Variants in PSMF1 observed in about 807,000 individuals in gnomAD.
PSMF1 encodes proteasome inhibitor subunit 1.
PSMF1 carries 30 observed loss-of-function variants against 29.3 expected under a neutral mutation model. The ratio of observed to expected loss-of-function variants is 1.02; its 90% CI spans 0.77 to 1.39. The LOEUF is 1.39. Ranked by LOEUF, PSMF1 falls within the 40% of genes most tolerant of loss-of-function variation. The pLI, the probability that PSMF1 is intolerant of heterozygous loss-of-function variation, is 0.00. For synonymous variants in PSMF1, 134 were observed against 139.7 expected (o/e 0.96, Z 0.29); for missense variants, 344 against 357.5 (o/e 0.96, Z 0.31).
At chr20:1,113,988 G>A (rs2085992378), upstream of PSMF1, among the ~76,000 whole-genome samples, 1 of 152,206 alleles carries the variant, frequency 6.6e-6, no homozygotes, top group South Asian at 2.1e-4. Context: ...ACCGCGCCCG[G>A]CCTGGGTTAC....
rs182205930 is a variant in PSMF1, at chr20:1,165,962, C to G, written c.*882C>G. ...TGAAATTGGAGGTGGCTTTCCTGCTCTAAAGCATTTTGATGTCTCATTCTG... is the reference window on the plus strand; with the variant it reads ...TGAAATTGGAGGTGGCTTTCCTGCTGTAAAGCATTTTGATGTCTCATTCTG... On this transcript the variant is annotated 3_prime_UTR_variant, in exon 7 of 7. Transcript: ENST00000335877. The G allele has an allele frequency of 4.3e-6, 6 of 1,381,748 alleles. No individual in the cohort carries two copies. The African/African-American group carries it at 4.4e-5, about 10-fold the overall frequency. 85.6% of individuals were successfully genotyped at this position (1,381,748 alleles called of 1,614,324 possible).
intron 1 of PSMF1, among the ~76,000 whole-genome samples, chr20:1,122,769 G>A (rs963197866): frequency 6.6e-6 from 1 of 152,184 alleles, no homozygotes; most frequent in Non-Finnish European, 1.5e-5. Flanking sequence ...GTTTACTGGG[G>A]AACATCAATT....
intron 4 of PSMF1, among the ~76,000 whole-genome samples, chr20:1,156,475 C>T (rs879695249): frequency 3.9e-5 from 6 of 152,002 alleles, no homozygotes; most frequent in Admixed American, 2.0e-4. Context: ...AATCAAACTG[C>T]TGAAAAGATT....
intron 3 of PSMF1, among the ~76,000 whole-genome samples, chr20:1,128,443 A>G (rs2086188198): frequency 6.6e-6 from 1 of 152,224 alleles, no homozygotes; most frequent in Non-Finnish European, 1.5e-5. Context: ...TGATCCTAGA[A>G]TACACACAAA....
chr20:1,166,138 G>A lies in PSMF1; in HGVS notation c.*1058G>A, dbSNP rs2086726906. 1 of 1,573,720 alleles carries A rather than the reference G, an allele frequency of 6.4e-7. No homozygotes were observed. Among genetic ancestry groups the A allele is most frequent in the Non-Finnish European group, 8.6e-7 (1 of 1,159,716 alleles). ...GCACAGGAGCATGGGCTGCCTCTGA[G>A]TGTGGTGTTGAACTTCGGGAGGAGC... On this transcript the variant is annotated 3_prime_UTR_variant, in exon 7 of 7. Coordinates refer to ENST00000335877, the MANE Select transcript of PSMF1 (RefSeq NM_006814.5).
chr20:1,134,728 TCCTCCCCATGGAG>T, intron 3 of PSMF1: 1 of 303,942 alleles, frequency 3.3e-6, no homozygotes, highest in Non-Finnish European at 6.4e-6. Flanking sequence ...ACCTGGTTCA[TCCTCCCCATGGAG>T]CCTTTGCCTT....
upstream of PSMF1, among the ~76,000 whole-genome samples, chr20:1,113,987 G>A (rs893501568): frequency 6.6e-6 from 1 of 152,154 alleles, no homozygotes; most frequent in African/African-American, 2.4e-5. Context: ...CACCGCGCCC[G>A]GCCTGGGTTA....
At chr20:1,127,310 C>T in intron 2 of PSMF1, 116 bp from the exon 3 acceptor site, 1 of 838,138 alleles carries the variant, frequency 1.2e-6, no homozygotes, top group South Asian at 1.3e-5. Context: ...TTATATATGT[C>T]TCTGTGGACA....
At chr20:1,125,726 C>A in intron 2 of PSMF1, 76 bp downstream of exon 2, 2 of 1,522,806 alleles carry the variant, frequency 1.3e-6, no homozygotes, top group Non-Finnish European at 1.8e-6. Context: ...TTTAACGGTA[C>A]GAATCCAGAG....
intron 4 of PSMF1, among the ~76,000 whole-genome samples, chr20:1,148,874 T>C (rs1291434505): frequency 1.3e-5 from 2 of 152,230 alleles, no homozygotes; most frequent in South Asian, 2.1e-4. Context: ...AGAGCTCTTA[T>C]ATGGGTTATA....
At chr20:1,141,335 A>T (rs2086377131) in intron 4 of PSMF1, among the ~76,000 whole-genome samples, 1 of 152,326 alleles carries the variant, frequency 6.6e-6, no homozygotes, top group Non-Finnish European at 1.5e-5. Flanking sequence ...AATGTATCTC[A>T]ATAAAGCTAT....
intron 4 of PSMF1, among the ~76,000 whole-genome samples, chr20:1,145,032 C>T (rs1356832334): frequency 6.6e-6 from 1 of 152,022 alleles, no homozygotes; most frequent in Non-Finnish European, 1.5e-5. Flanking sequence ...ATTACAGATG[C>T]CTGCCACCAC....
At chr20:1,158,619 A>G (rs1217044353) in intron 4 of PSMF1, among the ~76,000 whole-genome samples, 2 of 152,232 alleles carry the variant, frequency 1.3e-5, no homozygotes, top group Non-Finnish European at 1.5e-5. Flanking sequence ...ATGAGTGTTC[A>G]GGATCCCTTT....
At chr20:1,146,655 C>G (rs764070373) in intron 4 of PSMF1, among the ~76,000 whole-genome samples, 1 of 152,120 alleles carries the variant, frequency 6.6e-6, no homozygotes, top group Non-Finnish European at 1.5e-5. Flanking sequence ...TCTCCCCCCA[C>G]GTCAAGGAGA....
chr20:1,134,563 C>T (rs993741696), intron 3 of PSMF1, among the ~76,000 whole-genome samples: 6 of 152,172 alleles, frequency 3.9e-5, no homozygotes, highest in Non-Finnish European at 5.9e-5. Context: ...TGCCTCCACA[C>T]CTCAGCTGTG....
intron 4 of PSMF1, among the ~76,000 whole-genome samples, chr20:1,138,538 A>T (rs1009523136): frequency 7.0e-6 from 1 of 143,454 alleles, no homozygotes; most frequent in Non-Finnish European, 1.5e-5. Context: ...AAAAAAAAAT[A>T]CAACAAAGGA....
intron 3 of PSMF1, among the ~76,000 whole-genome samples, chr20:1,128,098 A>G: frequency 6.6e-6 from 1 of 152,208 alleles, no homozygotes; most frequent in Non-Finnish European, 1.5e-5. Context: ...TGTCTATCAT[A>G]GTATCACACA....
intron 1 of PSMF1, among the ~76,000 whole-genome samples, chr20:1,122,843 A>G (rs1223280648): frequency 6.6e-6 from 1 of 152,194 alleles, no homozygotes; most frequent in African/African-American, 2.4e-5. Flanking sequence ...CTGGAAGCCA[A>G]AGGTGATGGG....
intron 3 of PSMF1, among the ~76,000 whole-genome samples, chr20:1,129,972 A>G (rs1339750343): frequency 6.6e-6 from 1 of 152,282 alleles, no homozygotes; most frequent in African/African-American, 2.4e-5. Flanking sequence ...ATGTAAATAC[A>G]GTAGAATATT....
Sources: gnomAD v4.1 joint callset for allele counts (sites outside exome capture counted in the v4.1 genomes callset) on GRCh38, gnomAD v4.1.1 for gene constraint, MANE v1.5 for transcripts, NCBI Gene and HGNC (gene_info 2026-07-23, HGNC 2026-07-21) for gene names.